NRXN3: variants seen among roughly 807,000 people sequenced by gnomAD.
NRXN3 encodes neurexin 3.
A neutral mutation model predicts 137.6 loss-of-function variants in NRXN3; 32 were observed. The ratio of observed to expected loss-of-function variants is 0.23; its 90% CI spans 0.18 to 0.31. The LOEUF (loss-of-function observed/expected upper bound fraction) is 0.31, where lower values mean the gene tolerates loss of function less well. Ranked by LOEUF, NRXN3 falls within the 10% of genes least tolerant of loss-of-function variation. NRXN3 has a pLI of 1.00. For synonymous variants in NRXN3, 798 were observed against 784.5 expected (o/e 1.02, Z -0.29); for missense variants, 1,574 against 2,062.5 (o/e 0.76, Z 4.59).
chr14:78,198,737 G>A (rs1426561572), intron 1 of NRXN3, among the ~76,000 whole-genome samples: 1 of 152,212 alleles, frequency 6.6e-6, no homozygotes, highest in African/African-American at 2.4e-5. Flanking sequence ...TCTTCTTTGA[G>A]GTGTCCAGCA....
intron 10 of NRXN3, among the ~76,000 whole-genome samples, chr14:78,863,194 CAACTGATT>C (rs1459368933): frequency 6.6e-6 from 1 of 152,102 alleles, no homozygotes; most frequent in Non-Finnish European, 1.5e-5. Context: ...ACAAGAAAAT[CAACTGATT>C]TACTGAATTT....
chr14:79,664,183 C>A (rs1229006164), intron 17 of NRXN3, among the ~76,000 whole-genome samples: 1 of 152,134 alleles, frequency 6.6e-6, no homozygotes, highest in Non-Finnish European at 1.5e-5. Flanking sequence ...TTGACTGATA[C>A]AGCCTGACTG....
intron 4 of NRXN3, among the ~76,000 whole-genome samples, chr14:78,423,734 T>A (rs1362965886): frequency 6.6e-6 from 1 of 152,326 alleles, no homozygotes; most frequent in African/African-American, 2.4e-5. Context: ...AAGTATTACG[T>A]TGGTGCAAAA....
chr14:78,593,416 G>A (rs781540102), intron 4 of NRXN3, among the ~76,000 whole-genome samples: 1 of 152,188 alleles, frequency 6.6e-6, no homozygotes, highest in Non-Finnish European at 1.5e-5. Context: ...TGTCTCTGCT[G>A]GAAGGCCTCA....
At chr14:78,821,520 G>T (rs1184116946) in intron 10 of NRXN3, among the ~76,000 whole-genome samples, 1 of 152,078 alleles carries the variant, frequency 6.6e-6, no homozygotes, top group Non-Finnish European at 1.5e-5. Flanking sequence ...TGCTTGAAAG[G>T]AGCAGAAACA....
chr14:78,824,753 C>T lies in NRXN3; in HGVS notation c.2275+14409C>T, dbSNP rs538995941. Among the ~76,000 whole-genome samples the T allele has an allele frequency of 5.9e-5, 9 of 152,096 alleles. No individual in the cohort carries two copies. In the South Asian group the frequency reaches 1.2e-3, roughly 21 times the overall value. On this transcript the variant is annotated intron_variant, in intron 10 of 20. Coordinates refer to ENST00000335750, the MANE Select transcript of NRXN3 (RefSeq NM_001330195.2). ...TGATTCCAAAACAATCTGAGCACAA[C>T]GGGGTGACCACAGTCAACAATATTT... is the stretch of plus-strand genomic sequence containing the variant.
At chr14:78,481,691 C>T (rs1178290726) in intron 4 of NRXN3, among the ~76,000 whole-genome samples, 2 of 152,150 alleles carry the variant, frequency 1.3e-5, no homozygotes, top group Admixed American at 6.5e-5. Context: ...AATCTTCAAG[C>T]CTTTTTATCT....
intron 4 of NRXN3, among the ~76,000 whole-genome samples, chr14:78,424,739 C>T (rs28750354): frequency 6.6e-6 from 1 of 152,154 alleles, no homozygotes; most frequent in African/African-American, 2.4e-5. Context: ...AGCCTAAAAT[C>T]TGTAGGAGGT....
chr14:78,253,431 T>C (rs2153464284), intron 2 of NRXN3, among the ~76,000 whole-genome samples: 1 of 152,226 alleles, frequency 6.6e-6, no homozygotes, highest in East Asian at 1.9e-4. Context: ...CCCAGTACTT[T>C]GGGAGGCTGA....
At chr14:79,494,411 G>A (rs909538459) in intron 16 of NRXN3, among the ~76,000 whole-genome samples, 3 of 152,116 alleles carry the variant, frequency 2.0e-5, no homozygotes, top group African/African-American at 7.2e-5. Flanking sequence ...CTAGAAACTT[G>A]AAAACTGGTT....
chr14:79,763,326 G>T (rs1341098970), intron 19 of NRXN3, among the ~76,000 whole-genome samples: 1 of 151,702 alleles, frequency 6.6e-6, no homozygotes, highest in African/African-American at 2.4e-5. Flanking sequence ...TGCTGCAATA[G>T]ACATACATGT....
chr14:79,526,690 G>T (rs1385297361), intron 16 of NRXN3, among the ~76,000 whole-genome samples: 1 of 152,106 alleles, frequency 6.6e-6, no homozygotes, highest in African/African-American at 2.4e-5. Flanking sequence ...TGCTGTCCTA[G>T]AGTTTAGACT....
At chr14:79,290,662 A>AG (rs1491294384) in intron 15 of NRXN3, among the ~76,000 whole-genome samples, 1 of 119,188 alleles carries the variant, frequency 8.4e-6, no homozygotes, top group Non-Finnish European at 1.8e-5. Flanking sequence ...TGGTGGTTCC[A>AG]GAAAAAAAAA....
chr14:79,805,434 A>G (rs2099200501), intron 20 of NRXN3, among the ~76,000 whole-genome samples: 1 of 152,108 alleles, frequency 6.6e-6, no homozygotes, highest in African/African-American at 2.4e-5. Context: ...AGCTAACAAA[A>G]AATCATGGTA....
intron 10 of NRXN3, among the ~76,000 whole-genome samples, chr14:78,880,521 T>C (rs2099126147): frequency 6.6e-6 from 1 of 152,004 alleles, no homozygotes; most frequent in Non-Finnish European, 1.5e-5. Flanking sequence ...GAAACTGATA[T>C]CCCAATCTCA....
chr14:78,601,609 C>A (rs1008794527), intron 4 of NRXN3, among the ~76,000 whole-genome samples: 1 of 151,984 alleles, frequency 6.6e-6, no homozygotes, highest in Admixed American at 6.6e-5. Context: ...CCCGCCACCA[C>A]GCCCGGCTAA....
intron 4 of NRXN3, among the ~76,000 whole-genome samples, chr14:78,486,538 T>C (rs2095561803): frequency 6.6e-6 from 1 of 152,130 alleles, no homozygotes; most frequent in South Asian, 2.1e-4. Flanking sequence ...TAGAAATTGA[T>C]TTGTTAACCC....
chr14:79,437,488 G>A (rs549042708), intron 15 of NRXN3, among the ~76,000 whole-genome samples: 4 of 151,616 alleles, frequency 2.6e-5, no homozygotes, highest in South Asian at 2.1e-4. Flanking sequence ...CTTAAAAATC[G>A]AATTTGCATT....
intron 20 of NRXN3, among the ~76,000 whole-genome samples, chr14:79,839,633 A>C (rs1478509589): frequency 6.6e-6 from 1 of 152,104 alleles, no homozygotes; most frequent in Non-Finnish European, 1.5e-5. Context: ...AGTGTGCAGA[A>C]GGTTTTTAAC....
Sources: allele counts gnomAD v4.1 joint callset (sites outside exome capture counted in the v4.1 genomes callset), GRCh38; gene constraint gnomAD v4.1.1; transcripts MANE v1.5; gene names NCBI Gene and HGNC (gene_info 2026-07-23, HGNC 2026-07-21).